Variants in HYDIN observed in about 807,000 individuals in gnomAD.
The protein encoded by HYDIN is HYDIN axonemal central pair apparatus protein.
In HYDIN, 132 loss-of-function variants were observed where a neutral mutation model predicts 403.9. The observed-to-expected ratio is 0.33, with a 90% CI of 0.28 to 0.38. HYDIN has a LOEUF of 0.38. Among genes scored for constraint, HYDIN ranks in the 10% least tolerant of loss-of-function variants. The pLI, the probability that HYDIN is intolerant of heterozygous loss-of-function variation, is 1.00. For synonymous variants in HYDIN, 1,202 were observed against 1,891.7 expected, an observed-to-expected ratio of 0.64 and a Z score of 9.46; for missense variants, 2,827 against 5,009.5, an observed-to-expected ratio of 0.56 and a Z score of 13.15.
At chr16:70,938,368 C>T (rs1261981216) in intron 44 of HYDIN, among the ~76,000 whole-genome samples, 2 of 152,246 alleles carry the variant, frequency 1.3e-5, no homozygotes, top group Non-Finnish European at 2.9e-5. Flanking sequence ...CATGACATTA[C>T]AGCCTGGTCC....
chr16:71,058,117 C>A, intron 18 of HYDIN, among the ~76,000 whole-genome samples: 1 of 30,890 alleles, frequency 3.2e-5, no homozygotes, highest in Non-Finnish European at 6.6e-5. Flanking sequence ...GACTATAAAT[C>A]ATGCTGCTAT....
intron 60 of HYDIN, among the ~76,000 whole-genome samples, chr16:70,882,170 A>G (rs1254416127): frequency 1.3e-5 from 2 of 152,182 alleles, no homozygotes; most frequent in Admixed American, 6.5e-5. Flanking sequence ...TCGGGATAAT[A>G]ATACAAAGTC....
chr16:71,057,835 T>C (rs1267337601), intron 18 of HYDIN, among the ~76,000 whole-genome samples: 4 of 124,814 alleles, frequency 3.2e-5, no homozygotes, highest in Non-Finnish European at 6.8e-5. Context: ...AAAAAACACA[T>C]GAAAAAATGC....
intron 75 of HYDIN, among the ~76,000 whole-genome samples, chr16:70,841,838 C>T (rs1390172792): frequency 6.6e-6 from 1 of 151,332 alleles, no homozygotes; most frequent in Non-Finnish European, 1.5e-5. Flanking sequence ...TGATATTGAA[C>T]TTCCCAGGGT....
At chr16:71,135,642 T>C (rs56060481) in intron 8 of HYDIN, among the ~76,000 whole-genome samples, 1 of 152,040 alleles carries the variant, frequency 6.6e-6, no homozygotes, top group East Asian at 1.9e-4. Context: ...CCTTCAAGCA[T>C]GTTGGGCCAT....
intron 6 of HYDIN, among the ~76,000 whole-genome samples, chr16:71,157,128 G>C (rs1366031973): frequency 6.6e-6 from 1 of 151,318 alleles, no homozygotes; most frequent in African/African-American, 2.4e-5. Context: ...AAAAGAGTTA[G>C]ATACAATCCT....
At chr16:71,028,403 C>G (rs1354425884) in intron 19 of HYDIN, among the ~76,000 whole-genome samples, 9 of 151,878 alleles carry the variant, frequency 5.9e-5, no homozygotes, top group Admixed American at 2.6e-4. Context: ...GACTAATGTG[C>G]TTTAAAGATG....
rs181902162 is a variant in HYDIN, at chr16:71,050,828, T to C, written c.2529+9676A>G. ...TCTGAATAGTCATTATAGAAAATGA[T>C]TCATTAGTTACAATTTCCATACATT... On this transcript the variant is annotated intron_variant, in intron 18 of 85. Transcript: ENST00000393567. Among the ~76,000 whole-genome samples the C allele has an allele frequency of 2.2e-3, 329 of 149,656 alleles. 2 individuals are homozygous for C. Among genetic ancestry groups the C allele is most frequent in the Non-Finnish European group, 3.5e-3 (238 of 67,312 alleles).
chr16:71,158,080 G>C (rs992416926), intron 6 of HYDIN, among the ~76,000 whole-genome samples: 12 of 152,012 alleles, frequency 7.9e-5, no homozygotes, highest in Non-Finnish European at 1.5e-4. Context: ...ATCTGGCTGA[G>C]CCAGGAGGCT....
chr16:71,064,180 T>C (rs1252256817), intron 16 of HYDIN, among the ~76,000 whole-genome samples: 3 of 133,134 alleles, frequency 2.3e-5, no homozygotes, highest in Non-Finnish European at 3.4e-5. Flanking sequence ...TTTATCCATC[T>C]GTGTTTAACT....
At chr16:70,902,567 C>T (rs1386406138) in intron 52 of HYDIN, among the ~76,000 whole-genome samples, 4 of 143,348 alleles carry the variant, frequency 2.8e-5, no homozygotes, top group African/African-American at 7.9e-5. Flanking sequence ...TGCAGCAAGC[C>T]GAGATCGCAC....
chr16:71,074,804 A>C, intron 13 of HYDIN, among the ~76,000 whole-genome samples: 1 of 151,388 alleles, frequency 6.6e-6, no homozygotes, highest in East Asian at 1.9e-4. Context: ...ATTTGATGAG[A>C]GACCAATCCA....
intron 62 of HYDIN, among the ~76,000 whole-genome samples, chr16:70,877,379 C>T (rs1461370786): frequency 6.6e-6 from 1 of 151,990 alleles, no homozygotes; most frequent in Non-Finnish European, 1.5e-5. Context: ...ATTAAAAGAA[C>T]TCCACACCTG....
intron 45 of HYDIN, among the ~76,000 whole-genome samples, chr16:70,926,587 T>G (rs1484574151): frequency 1.3e-5 from 2 of 151,756 alleles, no homozygotes; most frequent in Admixed American, 1.3e-4. Flanking sequence ...ATTGTACACA[T>G]GTACCCTAAA....
intron 9 of HYDIN, among the ~76,000 whole-genome samples, chr16:71,116,384 GAAT>G (rs1373664272): frequency 6.6e-6 from 1 of 152,228 alleles, no homozygotes; most frequent in African/African-American, 2.4e-5. Context: ...TAGTAAGAGT[GAAT>G]AATATTCCAT....
chr16:70,806,322 T>C lies in HYDIN; in HGVS notation c.*1258A>G, dbSNP rs1382130704. Among the ~76,000 whole-genome samples the C allele has an allele frequency of 1.3e-5, 2 of 152,160 alleles. No homozygotes were observed. The highest frequency in any genetic ancestry group is 6.5e-5 in the Admixed American group (1 of 15,286). On this transcript the variant is annotated 3_prime_UTR_variant, in exon 86 of 86. Transcript: ENST00000393567. ...ATCCCCTGAGGATGAGGGAGGACTA[T>C]TGTAAAGGTCTGTGTTTACAGACAT...
intron 59 of HYDIN, 86 bp from the exon 60 acceptor site, chr16:70,882,981 A>C: frequency 1.3e-5 from 14 of 1,088,404 alleles, no homozygotes; most frequent in Non-Finnish European, 1.8e-5. Context: ...CTGGATTCTC[A>C]CAAAGGAGAA....
rs959850891 is a variant in HYDIN at position 70,890,477 on chromosome 16, G to A, written c.9657-773C>T. 7.9e-5 allele frequency among the ~76,000 whole-genome samples: 12 copies of A among 152,228 alleles called. No homozygotes were observed. In the South Asian group the frequency reaches 2.1e-3, roughly 26 times the overall value. On this transcript the variant is annotated intron_variant, in intron 57 of 85. Transcript: ENST00000393567. ...GTTGAAATTAAACTAGGAAGAAAGA[G>A]ACTTTACACAATTCAACTCTACATT...
At chr16:70,936,604 G>T (rs1287257145) in intron 44 of HYDIN, among the ~76,000 whole-genome samples, 4 of 149,798 alleles carry the variant, frequency 2.7e-5, no homozygotes, top group African/African-American at 9.7e-5. Flanking sequence ...GGTGTGATCA[G>T]CTCACTGCAA....
Sources: allele counts gnomAD v4.1 joint callset (sites outside exome capture counted in the v4.1 genomes callset), GRCh38; gene constraint gnomAD v4.1.1; transcripts MANE v1.5; gene names NCBI Gene and HGNC (gene_info 2026-07-23, HGNC 2026-07-21).